USP32: variants seen among roughly 807,000 people sequenced by gnomAD.
The protein encoded by USP32 is ubiquitin specific peptidase 32.
USP32 carries 59 observed loss-of-function variants against 204.8 expected under a neutral mutation model. The ratio of observed to expected loss-of-function variants is 0.29; its 90% CI spans 0.23 to 0.36. The LOEUF is 0.36. Ranked by LOEUF, USP32 falls within the 10% of genes least tolerant of loss-of-function variation. The pLI, the probability that USP32 is intolerant of heterozygous loss-of-function variation, is 1.00. For missense variants in USP32, 1,160 were observed against 1,946.4 expected (o/e 0.60, Z 7.60); for synonymous variants, 517 against 678.4 (o/e 0.76, Z 3.70).
At chr17:60,285,421 G>GT (rs2087086179) in intron 5 of USP32, among the ~76,000 whole-genome samples, 1 of 152,156 alleles carries the variant, frequency 6.6e-6, no homozygotes, top group Non-Finnish European at 1.5e-5. Context: ...AAAGTAGCTG[G>GT]TGTGTAATCT....
At chr17:60,236,667 C>A (rs1178815664) in intron 11 of USP32, among the ~76,000 whole-genome samples, 1 of 152,128 alleles carries the variant, frequency 6.6e-6, no homozygotes, top group Non-Finnish European at 1.5e-5. Context: ...ATATGTGCAA[C>A]CAACACCACA....
At chr17:60,336,588 C>T (rs2088523337) in intron 2 of USP32, among the ~76,000 whole-genome samples, 1 of 142,918 alleles carries the variant, frequency 7.0e-6, no homozygotes, top group South Asian at 2.1e-4. Flanking sequence ...TAGTGGCGGG[C>T]GCCTGTAGTC....
At chr17:60,268,295 A>C (rs2086645029) in intron 7 of USP32, among the ~76,000 whole-genome samples, 1 of 152,078 alleles carries the variant, frequency 6.6e-6, no homozygotes, top group Non-Finnish European at 1.5e-5. Flanking sequence ...AGAGCTGGGC[A>C]TGGAGGCTCA....
At chr17:60,275,828 C>T (rs2086826110) in intron 5 of USP32, among the ~76,000 whole-genome samples, 1 of 151,726 alleles carries the variant, frequency 6.6e-6, no homozygotes, top group Non-Finnish European at 1.5e-5. Context: ...TCTCCTGCCT[C>T]AGCCTCCTGA....
At chr17:60,225,064 TAG>T (rs2085348523) in intron 13 of USP32, among the ~76,000 whole-genome samples, 1 of 152,222 alleles carries the variant, frequency 6.6e-6, no homozygotes, top group Non-Finnish European at 1.5e-5. Context: ...TGTTTATGGC[TAG>T]AGAGAGTCCT....
intron 1 of USP32, 59 bp from the exon 2 acceptor site, chr17:60,345,667 AT>A (rs955169903): frequency 6.2e-7 from 1 of 1,608,720 alleles, no homozygotes; most frequent in East Asian, 2.2e-5. Context: ...GTGTCTCATA[AT>A]TTTTTTCAAC....
At chr17:60,279,254 C>T (rs959440668) in intron 5 of USP32, among the ~76,000 whole-genome samples, 3 of 152,070 alleles carry the variant, frequency 2.0e-5, no homozygotes, top group African/African-American at 7.2e-5. Flanking sequence ...AATCCCAGCA[C>T]TTTGGGAGTC....
At chr17:60,342,556 C>A (rs946845254) in intron 2 of USP32, among the ~76,000 whole-genome samples, 2 of 152,184 alleles carry the variant, frequency 1.3e-5, no homozygotes, top group Non-Finnish European at 2.9e-5. Context: ...AGGCAGTAGG[C>A]CTTGCTGAGC....
At chr17:60,210,118 AT>A (rs1192928861) in intron 21 of USP32, among the ~76,000 whole-genome samples, 4 of 152,010 alleles carry the variant, frequency 2.6e-5, no homozygotes, top group Non-Finnish European at 1.5e-5. Context: ...GAGGATATAA[AT>A]TAATTAGAAT....
intron 1 of USP32, among the ~76,000 whole-genome samples, chr17:60,373,847 A>G (rs1476956689): frequency 1.3e-5 from 2 of 152,142 alleles, no homozygotes; most frequent in Non-Finnish European, 2.9e-5. Flanking sequence ...GTGTCCAAAA[A>G]TATTTTTTCT....
At chr17:60,364,390 G>A (rs2089273636) in intron 1 of USP32, among the ~76,000 whole-genome samples, 1 of 152,134 alleles carries the variant, frequency 6.6e-6, no homozygotes, top group African/African-American at 2.4e-5. Flanking sequence ...GGGGTTGTCT[G>A]TTTGTTTCAG....
chr17:60,251,520 A>C (rs1342369889), intron 11 of USP32, among the ~76,000 whole-genome samples: 2 of 152,190 alleles, frequency 1.3e-5, no homozygotes, highest in Non-Finnish European at 2.9e-5. Flanking sequence ...AAAAAGTCAA[A>C]TGACAGTACC....
chr17:60,243,745 G>A lies in USP32; in HGVS notation c.1137-7505C>T, dbSNP rs373605350. On this transcript the variant is annotated intron_variant, in intron 11 of 33. Transcript: ENST00000300896. ...TGCCATAGTCTGCTGACTAACTGCT[G>A]GCCTAGTATATGGTCTATCCTAGAA... is the stretch of plus-strand genomic sequence containing the variant. Among the ~76,000 whole-genome samples the A allele has an allele frequency of 7.9e-5, 12 of 152,192 alleles. No individual in the cohort carries two copies. The East Asian group carries it at 2.3e-3, about 29-fold the overall frequency.
intron 1 of USP32, among the ~76,000 whole-genome samples, chr17:60,413,258 G>T (rs1239870729): frequency 6.6e-6 from 1 of 152,080 alleles, no homozygotes; most frequent in Non-Finnish European, 1.5e-5. Context: ...ATAGAACTGG[G>T]GTCCACTCAC....
intron 2 of USP32, among the ~76,000 whole-genome samples, chr17:60,304,407 A>G (rs1324757003): frequency 2.0e-5 from 3 of 151,936 alleles, no homozygotes; most frequent in African/African-American, 7.2e-5. Flanking sequence ...CATTACCAGC[A>G]AAAAGGGGTA....
At chr17:60,299,944 C>T (rs1049800422) in intron 3 of USP32, among the ~76,000 whole-genome samples, 1 of 152,082 alleles carries the variant, frequency 6.6e-6, no homozygotes, top group Non-Finnish European at 1.5e-5. Flanking sequence ...TTTATTAGGG[C>T]ACTTAATCTC....
chr17:60,256,731 C>A, intron 9 of USP32: 1 of 1,150,340 alleles, frequency 8.7e-7, no homozygotes, highest in Non-Finnish European at 1.1e-6. Context: ...AACAGAAGAA[C>A]TTCAAAGGCT....
Position 60,181,709 on chromosome 17 carries a change from G to A in USP32, c.4163C>T (p.Pro1388Leu), listed in dbSNP as rs1555576653. 6.2e-7 allele frequency: 1 copy of A among 1,609,792 alleles called. No individual in the cohort carries two copies. The highest frequency in any genetic ancestry group is 8.5e-7 in the Non-Finnish European group (1 of 1,177,998). The change falls in exon 32 of 34, where the codon CCC becomes CTC. Residue 1388 changes from proline to leucine, a missense_variant. This residue lies in a region of USP32 where 244 missense variants were observed against 342.3 expected (regional missense o/e 0.71). Coordinates refer to ENST00000300896, the MANE Select transcript of USP32 (RefSeq NM_032582.4). Reference sequence around the variant, plus strand: ...ATTAGGGCTGCTGTTTTTGCTGGAGGGACAGCTGGTTCCACTTTTTCTTGA... The same window carrying A: ...ATTAGGGCTGCTGTTTTTGCTGGAGAGACAGCTGGTTCCACTTTTTCTTGA... ...SSSRKSGTSCPSSKNSSPNSS... is the reference protein window; with the variant it reads ...SSSRKSGTSCLSSKNSSPNSS...
chr17:60,255,048 CT>C (rs11324851), intron 10 of USP32, 126 bp downstream of exon 10: 143,247 of 484,942 alleles, frequency 0.3, 3,972 homozygotes, highest in African/African-American at 0.44. Flanking sequence ...TAATGTAGTT[CT>C]TTTTTTTTTT....
Sources: allele counts gnomAD v4.1 joint callset (sites outside exome capture counted in the v4.1 genomes callset), GRCh38; gene constraint gnomAD v4.1.1; regional missense constraint gnomAD v4.1.1; transcripts MANE v1.5; gene names NCBI Gene and HGNC (gene_info 2026-07-23, HGNC 2026-07-21).